The following BCKDHB variants were observed in gnomAD, a reference collection of about 807,000 sequenced individuals.
The protein encoded by BCKDHB is branched chain keto acid dehydrogenase E1 subunit beta.
A neutral mutation model predicts 48.5 loss-of-function variants in BCKDHB; 41 were observed. The observed-to-expected ratio is 0.85, with a 90% CI of 0.66 to 1.10. The LOEUF (loss-of-function observed/expected upper bound fraction) is 1.10. Among genes scored for constraint, BCKDHB ranks in the 50% least tolerant of loss-of-function variants. The pLI, the probability that BCKDHB is intolerant of heterozygous loss-of-function variation, is 0.00. For missense variants in BCKDHB, 496 were observed against 494.2 expected, an observed-to-expected ratio of 1.00 and a Z score of -0.03; for synonymous variants, 201 against 174.8, an observed-to-expected ratio of 1.15 and a Z score of -1.18.
At chr6:80,380,268 G>A in the BCKDHB span, among the ~76,000 whole-genome samples, 8 of 151,712 alleles carry the variant, frequency 5.3e-5, no homozygotes, top group South Asian at 4.1e-4. Flanking sequence ...ACAGAGAACC[G>A]AAAAATAAAG....
chr6:80,270,522 A>G (rs1777692679), intron 8 of BCKDHB, among the ~76,000 whole-genome samples: 1 of 151,976 alleles, frequency 6.6e-6, no homozygotes, highest in Non-Finnish European at 1.5e-5. Context: ...TCAAAGTGTG[A>G]TTACTTTTAT....
At chr6:80,387,376 T>TA in the BCKDHB span, among the ~76,000 whole-genome samples, 71,301 of 121,086 alleles carry the variant, frequency 0.59, 18,066 homozygotes, top group Non-Finnish European at 0.7. Flanking sequence ...GAAAAAATAG[T>TA]AATCAAAAAC....
chr6:80,138,374 T>C (rs933988858), intron 3 of BCKDHB, among the ~76,000 whole-genome samples: 1 of 152,094 alleles, frequency 6.6e-6, no homozygotes, highest in Non-Finnish European at 1.5e-5. Context: ...ACATGTGCAA[T>C]GCTGGTACAC....
chr6:80,123,102 TGGCTCTTTTTGCCTGACCCCACAG>T (rs1373008597), intron 1 of BCKDHB, among the ~76,000 whole-genome samples: 2 of 152,016 alleles, frequency 1.3e-5, no homozygotes, highest in Admixed American at 1.3e-4. Context: ...AAGAAAAATA[TGGCTCTTTTTGCCTGACCCCACAG>T]GCAGTCAGAC....
chr6:80,414,040 T>C, the BCKDHB span, among the ~76,000 whole-genome samples: 1 of 152,172 alleles, frequency 6.6e-6, no homozygotes, highest in Non-Finnish European at 1.5e-5. Flanking sequence ...TTGCATTTCT[T>C]TAATAATCAG....
intron 8 of BCKDHB, among the ~76,000 whole-genome samples, chr6:80,231,306 G>A (rs1775913310): frequency 6.6e-6 from 1 of 151,900 alleles, no homozygotes; most frequent in Non-Finnish European, 1.5e-5. Context: ...TTTAAACAAG[G>A]CAGAAAATAT....
chr6:80,411,348 G>A, the BCKDHB span, among the ~76,000 whole-genome samples: 2 of 152,280 alleles, frequency 1.3e-5, no homozygotes, highest in East Asian at 3.9e-4. Flanking sequence ...CATCCCAGAG[G>A]GGGACCTGCC....
At chr6:80,398,329 G>A in the BCKDHB span, among the ~76,000 whole-genome samples, 1 of 151,900 alleles carries the variant, frequency 6.6e-6, no homozygotes, top group East Asian at 1.9e-4. Flanking sequence ...TAGACTGCTA[G>A]CTAGACTACT....
At chr6:80,447,085 G>A in the BCKDHB span, among the ~76,000 whole-genome samples, 19 of 152,232 alleles carry the variant, frequency 1.2e-4, no homozygotes, top group Admixed American at 5.9e-4. Context: ...GACCTTGGGC[G>A]AGGATATTTT....
intron 8 of BCKDHB, among the ~76,000 whole-genome samples, chr6:80,222,470 G>A (rs753536152): frequency 4.6e-5 from 7 of 152,090 alleles, no homozygotes; most frequent in Non-Finnish European, 7.4e-5. Context: ...AAGACTCATT[G>A]CAAAAACAGA....
chr6:80,382,758 T>C, the BCKDHB span, among the ~76,000 whole-genome samples: 5 of 152,300 alleles, frequency 3.3e-5, no homozygotes, highest in South Asian at 1.0e-3. Context: ...AATGTGCCAA[T>C]AAATGAAATA....
At chr6:80,406,190 G>GTA in the BCKDHB span, among the ~76,000 whole-genome samples, 1 of 152,196 alleles carries the variant, frequency 6.6e-6, no homozygotes, top group Non-Finnish European at 1.5e-5. Context: ...ATTCCATGGT[G>GTA]TATATATGCC....
chr6:80,333,204 G>C (rs1769409730), intron 9 of BCKDHB, among the ~76,000 whole-genome samples: 2 of 152,094 alleles, frequency 1.3e-5, no homozygotes, highest in Non-Finnish European at 2.9e-5. Context: ...CTTATGCAGT[G>C]CACCTAAAAT....
chr6:80,108,539 T>A (rs868710783), intron 1 of BCKDHB, among the ~76,000 whole-genome samples: 2 of 145,362 alleles, frequency 1.4e-5, no homozygotes, highest in African/African-American at 5.1e-5. Flanking sequence ...TAACAGATAA[T>A]TTGGATAATG....
intron 8 of BCKDHB, among the ~76,000 whole-genome samples, chr6:80,266,444 C>T (rs1777517309): frequency 6.6e-6 from 1 of 151,948 alleles, no homozygotes; most frequent in Non-Finnish European, 1.5e-5. Context: ...TACTATTTAC[C>T]CATGTTTAAC....
chr6:80,423,103 G>T, the BCKDHB span, among the ~76,000 whole-genome samples: 1 of 152,124 alleles, frequency 6.6e-6, no homozygotes, highest in African/African-American at 2.4e-5. Context: ...TGTATCATGG[G>T]CGTGGTTTCT....
intron 9 of BCKDHB, among the ~76,000 whole-genome samples, chr6:80,308,142 AT>A (rs201645757): frequency 2.0e-4 from 31 of 151,656 alleles, no homozygotes; most frequent in African/African-American, 7.5e-4. Flanking sequence ...AGCAGTGGCT[AT>A]TTTTTTTCAT....
At chr6:80,346,363 A>C (rs1770200238), downstream of BCKDHB, 1 of 152,210 alleles carries the variant, frequency 6.6e-6, no homozygotes, top group African/African-American at 2.4e-5. Flanking sequence ...TCTGAATTAA[A>C]GTACAGTATT....
intron 2 of BCKDHB, 35 bp from the exon 3 acceptor site, chr6:80,129,126 T>G (rs763136401): frequency 2.8e-6 from 4 of 1,429,066 alleles, no homozygotes; most frequent in Middle Eastern, 2.1e-4. Flanking sequence ...TAGAGATTAT[T>G]AAATAAAATG....
Sources: gnomAD v4.1 joint callset for allele counts (sites outside exome capture counted in the v4.1 genomes callset) on GRCh38, gnomAD v4.1.1 for gene constraint, MANE v1.5 for transcripts, NCBI Gene and HGNC (gene_info 2026-07-23, HGNC 2026-07-21) for gene names.